PRKN: variants seen among roughly 807,000 people sequenced by gnomAD.
The protein encoded by PRKN is E3 ubiquitin-protein ligase parkin.
PRKN carries 56 observed loss-of-function variants against 59.5 expected under a neutral mutation model. That is an observed-to-expected ratio of 0.94 (90% CI 0.76 to 1.18). The LOEUF (loss-of-function observed/expected upper bound fraction) is 1.18. Ranked by LOEUF, PRKN falls within the 50% of genes most tolerant of loss-of-function variation. The pLI is 0.00. For synonymous variants in PRKN, 250 were observed against 222.1 expected (o/e 1.13, Z -1.12); for missense variants, 657 against 596.4 (o/e 1.10, Z -1.06).
Position 161,401,872 on chromosome 6 carries a change from T to A in PRKN, c.1084-14995A>T, listed in dbSNP as rs1025188710. Among the ~76,000 whole-genome samples, 2 of 152,134 alleles carry A rather than the reference T, an allele frequency of 1.3e-5. No homozygotes were observed. Among genetic ancestry groups the A allele is most frequent in the African/African-American group, 4.8e-5 (2 of 41,408 alleles). On this transcript the variant is annotated intron_variant, in intron 9 of 11. Transcript: ENST00000366898. The surrounding 1 kb of genome is among the most constrained non-coding windows in gnomAD (Gnocchi z 4.4). ...CTGGCTCAAAGGAGGAGAGAGAAGA[T>A]GAGAGATCCAGAGGTCTGAGATGTT...
intron 7 of PRKN, among the ~76,000 whole-genome samples, chr6:161,630,734 A>G (rs761075171): frequency 9.9e-5 from 15 of 151,962 alleles, no homozygotes; most frequent in Admixed American, 2.6e-4. Context: ...GTCCCCCACC[A>G]TGTCTAGGGC....
chr6:161,963,076 G>T (rs1263440158), intron 6 of PRKN, among the ~76,000 whole-genome samples: 1 of 152,144 alleles, frequency 6.6e-6, no homozygotes, highest in African/African-American at 2.4e-5. Context: ...CCAGGAGGCG[G>T]AAGTTGCAGT....
At chr6:162,220,417 C>G (rs28455146) in intron 3 of PRKN, among the ~76,000 whole-genome samples, 17 of 152,104 alleles carry the variant, frequency 1.1e-4, no homozygotes, top group African/African-American at 3.6e-4. Context: ...AGTCTGGAAT[C>G]TTCAGGAATG....
intron 1 of PRKN, among the ~76,000 whole-genome samples, chr6:162,595,053 A>C (rs1781448405): frequency 6.6e-6 from 1 of 152,002 alleles, no homozygotes; most frequent in South Asian, 2.1e-4. Flanking sequence ...GGGTGCCTGT[A>C]GTCCCAGCTA....
chr6:162,239,514 C>T (rs73596265), intron 3 of PRKN, among the ~76,000 whole-genome samples: 5 of 152,002 alleles, frequency 3.3e-5, no homozygotes, highest in African/African-American at 4.8e-5. Context: ...TCCAACGCAG[C>T]GCAGAGCTGT....
intron 5 of PRKN, among the ~76,000 whole-genome samples, chr6:162,010,218 A>G (rs1782439851): frequency 8.2e-6 from 1 of 122,076 alleles, no homozygotes; most frequent in South Asian, 2.2e-4. Flanking sequence ...TATATTATAT[A>G]TACATAATAT....
rs140402271 is a variant in PRKN, at chr6:162,482,609, G to A, written c.8-39136C>T. Among the ~76,000 whole-genome samples, 121 of 152,206 alleles carry A rather than the reference G, an allele frequency of 7.9e-4. No individual in the cohort carries two copies. The South Asian group carries it at 0.012, about 15-fold the overall frequency. On this transcript the variant is annotated intron_variant, in intron 1 of 11. Transcript: ENST00000366898. ...CTATTTGTGACATCTAATGTTGATT[G>A]GTTATCCATAATTTTTTAAAGCCTT...
chr6:162,236,920 G>A (rs1778755644), intron 3 of PRKN, among the ~76,000 whole-genome samples: 1 of 151,452 alleles, frequency 6.6e-6, no homozygotes, highest in Non-Finnish European at 1.5e-5. Flanking sequence ...AGGAAGGAGA[G>A]AGAAAGAAGA....
At chr6:161,384,028 G>C (rs572597681) in intron 10 of PRKN, among the ~76,000 whole-genome samples, 15 of 152,110 alleles carry the variant, frequency 9.9e-5, no homozygotes, top group African/African-American at 3.4e-4. Flanking sequence ...CTCCTGGGGG[G>C]GTCTAACTGC....
rs189008257 is a variant in PRKN at position 161,470,276 on chromosome 6, C to A, written c.1083+78578G>T. On this transcript the variant is annotated intron_variant, in intron 9 of 11. Transcript: ENST00000366898. The surrounding 1 kb of genome is among the most constrained non-coding windows in gnomAD (Gnocchi z 5.1). ...ATATTACTACCTTTGCTGTCATAGG[C>A]CCATTAGGGTATTATTTAATGTAGT... Among the ~76,000 whole-genome samples, 1 of 152,234 alleles carries A rather than the reference C, an allele frequency of 6.6e-6. No individual in the cohort carries two copies. The highest frequency in any genetic ancestry group is 1.5e-5 in the Non-Finnish European group (1 of 68,008).
intron 7 of PRKN, among the ~76,000 whole-genome samples, chr6:161,698,474 A>G (rs1227480748): frequency 6.6e-6 from 1 of 152,160 alleles, no homozygotes; most frequent in Non-Finnish European, 1.5e-5. Flanking sequence ...AACTGATTCT[A>G]AAGTTTATGT....
chr6:162,467,423 C>G (rs1583621622), intron 1 of PRKN, among the ~76,000 whole-genome samples: 1 of 152,242 alleles, frequency 6.6e-6, no homozygotes, highest in East Asian at 1.9e-4. Context: ...CCACCCGCTC[C>G]TCATCCAGCC....
At chr6:162,584,863 TCCCCTCCCCTCCCCTCCC>T (rs1780972714) in intron 1 of PRKN, among the ~76,000 whole-genome samples, 1 of 13,158 alleles carries the variant, frequency 7.6e-5, no homozygotes, top group Non-Finnish European at 1.3e-4. Context: ...TCCCATCTCC[TCCCCTCCCCTCCCCTCCC>T]CTCCCCTCCC....
Position 161,533,646 on chromosome 6 carries a change from A to T in PRKN, c.1083+15208T>A, listed in dbSNP as rs1167950287. Among the ~76,000 whole-genome samples the T allele has an allele frequency of 1.3e-5, 2 of 152,136 alleles. No homozygotes were observed. The highest frequency in any genetic ancestry group is 2.4e-5 in the African/African-American group (1 of 41,458). Reference sequence around the variant, plus strand: ...TCAAACCAATCTGTGAGCCCTACGTAAATCAGACACTGCCTCCTCAAGCCT... The same window carrying T: ...TCAAACCAATCTGTGAGCCCTACGTTAATCAGACACTGCCTCCTCAAGCCT... On this transcript the variant is annotated intron_variant, in intron 9 of 11. Coordinates refer to ENST00000366898, the MANE Select transcript of PRKN (RefSeq NM_004562.3). The surrounding 1 kb of genome is among the most constrained non-coding windows in gnomAD (Gnocchi z 4.1).
At chr6:162,601,511 A>G (rs184659050) in intron 1 of PRKN, among the ~76,000 whole-genome samples, 63 of 152,244 alleles carry the variant, frequency 4.1e-4, no homozygotes, top group South Asian at 4.1e-4. Flanking sequence ...TTGCACAAGT[A>G]CTTCCGTGGA....
intron 5 of PRKN, among the ~76,000 whole-genome samples, chr6:162,034,322 T>G (rs569203018): frequency 3.3e-5 from 5 of 152,066 alleles, no homozygotes; most frequent in African/African-American, 1.2e-4. Context: ...TTATTCCCTA[T>G]GTTAAAAGTG....
At chr6:162,300,267 A>T (rs1044146855) in intron 2 of PRKN, among the ~76,000 whole-genome samples, 37 of 114,886 alleles carry the variant, frequency 3.2e-4, no homozygotes, top group African/African-American at 1.6e-3. Context: ...TTCTTCTTTA[A>T]AAAAAAAAAC....
At chr6:162,482,354 A>G (rs1792348672) in intron 1 of PRKN, among the ~76,000 whole-genome samples, 1 of 152,214 alleles carries the variant, frequency 6.6e-6, no homozygotes, top group African/African-American at 2.4e-5. Flanking sequence ...ACATAAATAC[A>G]TCTTTTACAC....
At chr6:162,501,249 G>T (rs1026772394) in intron 1 of PRKN, among the ~76,000 whole-genome samples, 2 of 152,094 alleles carry the variant, frequency 1.3e-5, no homozygotes, top group Non-Finnish European at 2.9e-5. Context: ...GATCAGTGAG[G>T]GTTGATGGGG....
Sources: gnomAD v4.1 joint callset for allele counts (sites outside exome capture counted in the v4.1 genomes callset) on GRCh38, gnomAD v4.1.1 for gene constraint, Gnocchi (gnomAD v3.1) non-coding constraint, MANE v1.5 for transcripts, NCBI Gene and HGNC (gene_info 2026-07-23, HGNC 2026-07-21) for gene names.